The following PRPSAP1 variants were observed in gnomAD, a reference collection of about 807,000 sequenced individuals.
The protein encoded by PRPSAP1 is phosphoribosyl pyrophosphate synthase-associated protein 1.
In PRPSAP1, 31 loss-of-function variants were observed where a neutral mutation model predicts 39.4. That is an observed-to-expected ratio of 0.79 (90% confidence interval 0.59 to 1.06). The LOEUF (loss-of-function observed/expected upper bound fraction) is 1.06. PRPSAP1 is among the 50% of genes least tolerant of loss of function. The pLI is 0.00. For missense variants in PRPSAP1, 430 were observed against 511.6 expected, an observed-to-expected ratio of 0.84 and a Z score of 1.54; for synonymous variants, 212 against 192.6, an observed-to-expected ratio of 1.10 and a Z score of -0.83.
intron 2 of PRPSAP1, among the ~76,000 whole-genome samples, chr17:76,345,327 C>T (rs200853261): frequency 6.7e-6 from 1 of 148,246 alleles, no homozygotes; most frequent in East Asian, 2.0e-4. Flanking sequence ...ATTAGCCAGG[C>T]ATGGTGGCGC....
At chr17:76,329,752 A>AC (rs1341431843) in intron 6 of PRPSAP1, among the ~76,000 whole-genome samples, 1 of 152,090 alleles carries the variant, frequency 6.6e-6, no homozygotes, top group African/African-American at 2.4e-5. Flanking sequence ...AAAACAAAAA[A>AC]AAAAACCATT....
At chr17:76,352,644 C>CG (rs760806856) in intron 1 of PRPSAP1, among the ~76,000 whole-genome samples, 1,551 of 53,104 alleles carry the variant, frequency 0.029, 25 homozygotes, top group African/African-American at 0.089. Flanking sequence ...GACTCCGTCT[C>CG]AAAAAAAAAA....
At chr17:76,322,270 C>T (rs768495996) in intron 7 of PRPSAP1, among the ~76,000 whole-genome samples, 4 of 152,100 alleles carry the variant, frequency 2.6e-5, no homozygotes, top group Admixed American at 1.3e-4. Context: ...GTGGTGTACG[C>T]CTGTAATCCC....
At chr17:76,338,134 G>T (rs1328383724) in intron 3 of PRPSAP1, among the ~76,000 whole-genome samples, 1 of 151,966 alleles carries the variant, frequency 6.6e-6, no homozygotes, top group African/African-American at 2.4e-5. Flanking sequence ...TATCCTCAAC[G>T]ACCAAAAGGT....
At chr17:76,314,030 A>T in intron 7 of PRPSAP1, 139 bp from the exon 8 acceptor site, 1 of 809,542 alleles carries the variant, frequency 1.2e-6, no homozygotes, top group East Asian at 2.7e-5. Flanking sequence ...ATTCCCCCTC[A>T]ATGAACCTGC....
chr17:76,347,535 AAGAG>A (rs1281797922), intron 2 of PRPSAP1, among the ~76,000 whole-genome samples: 3 of 150,690 alleles, frequency 2.0e-5, no homozygotes, highest in Non-Finnish European at 4.4e-5. Flanking sequence ...AGTGAGGGGA[AAGAG>A]AGAGACAGGA....
At chr17:76,339,606 G>C (rs559601927) in intron 3 of PRPSAP1, among the ~76,000 whole-genome samples, 1 of 151,618 alleles carries the variant, frequency 6.6e-6, no homozygotes, top group Admixed American at 6.6e-5. Context: ...GAACCACTGG[G>C]AAGAGACTTG....
intron 7 of PRPSAP1, among the ~76,000 whole-genome samples, chr17:76,325,545 C>T (rs1219468511): frequency 1.3e-5 from 2 of 150,446 alleles, no homozygotes; most frequent in African/African-American, 4.9e-5. Context: ...CAGCAGCCAT[C>T]AACATCGAGG....
intron 9 of PRPSAP1, 62 bp downstream of exon 9, chr17:76,312,808 A>G: frequency 6.4e-7 from 1 of 1,556,410 alleles, no homozygotes; most frequent in Non-Finnish European, 8.6e-7. Context: ...TGACTGAATC[A>G]TTTTATTATT....
At chr17:76,341,746 T>A (rs2071441622) in intron 3 of PRPSAP1, among the ~76,000 whole-genome samples, 1 of 152,176 alleles carries the variant, frequency 6.6e-6, no homozygotes, top group Non-Finnish European at 1.5e-5. Context: ...GAGACCATCC[T>A]GGCTAACATG....
intron 7 of PRPSAP1, among the ~76,000 whole-genome samples, chr17:76,318,698 G>C (rs533584227): frequency 6.6e-6 from 1 of 152,134 alleles, no homozygotes; most frequent in Non-Finnish European, 1.5e-5. Flanking sequence ...CTATTAAAGA[G>C]AGTCACAGAA....
intron 3 of PRPSAP1, among the ~76,000 whole-genome samples, chr17:76,340,928 G>T (rs78158940): frequency 2.0e-5 from 3 of 151,056 alleles, no homozygotes; most frequent in Non-Finnish European, 4.4e-5. Flanking sequence ...CGGGGGGTAG[G>T]GGGGGACTGT....
Position 76,310,598 on chromosome 17 carries a change from C to G in PRPSAP1, c.*944G>C, listed in dbSNP as rs1182938824. 1 of 151,670 alleles carries G rather than the reference C, an allele frequency of 6.6e-6. No homozygotes were observed. Among genetic ancestry groups the G allele is most frequent in the East Asian group, 1.9e-4 (1 of 5,158 alleles). 9.4% of individuals were successfully genotyped at this position (151,670 alleles called of 1,614,324 possible). ...CTCCCACCTCAGCCTCCCAAGGTAG[C>G]TGGAACTACAGGCACATGCTACCAA... is the stretch of plus-strand genomic sequence containing the variant. On this transcript the variant is annotated 3_prime_UTR_variant, in exon 10 of 10. Transcript: ENST00000446526.
chr17:76,353,383 C>T, intron 1 of PRPSAP1, 151 bp downstream of exon 1: 3 of 749,472 alleles, frequency 4.0e-6, no homozygotes, highest in Non-Finnish European at 5.9e-6. Context: ...GGGCGGTATC[C>T]GTCACCTCCA....
intron 3 of PRPSAP1, among the ~76,000 whole-genome samples, chr17:76,336,352 T>A (rs1336029318): frequency 6.7e-6 from 1 of 149,482 alleles, no homozygotes; most frequent in African/African-American, 2.5e-5. Context: ...GCAGAAGAAT[T>A]GCTTGAACCT....
intron 5 of PRPSAP1, 129 bp from the exon 6 acceptor site, chr17:76,330,227 A>G (rs370893578): frequency 1.3e-6 from 1 of 796,762 alleles, no homozygotes. Flanking sequence ...TTTAGTCACA[A>G]GTTTTAGATT....
chr17:76,342,409 T>C (rs1341157978), intron 3 of PRPSAP1, among the ~76,000 whole-genome samples: 3 of 151,998 alleles, frequency 2.0e-5, no homozygotes, highest in Admixed American at 6.6e-5. Context: ...AGTCTTCAAA[T>C]GTGTCAAAGT....
intron 7 of PRPSAP1, 78 bp from the exon 8 acceptor site, chr17:76,313,969 G>C: frequency 6.7e-7 from 1 of 1,490,206 alleles, no homozygotes; most frequent in Non-Finnish European, 9.2e-7. Flanking sequence ...CTAATTCCCT[G>C]GAAATGGTGG....
intron 7 of PRPSAP1, 37 bp downstream of exon 7, chr17:76,328,680 A>C (rs1194592901): frequency 6.3e-7 from 1 of 1,594,330 alleles, no homozygotes; most frequent in Non-Finnish European, 8.5e-7. Context: ...ACTTTCTTCA[A>C]TTTACAAATA....
Sources: gnomAD v4.1 joint callset for allele counts (sites outside exome capture counted in the v4.1 genomes callset) on GRCh38, gnomAD v4.1.1 for gene constraint, MANE v1.5 for transcripts, NCBI Gene and HGNC (gene_info 2026-07-23, HGNC 2026-07-21) for gene names.